OR7D4: variants seen among roughly 807,000 people sequenced by gnomAD.
OR7D4 encodes olfactory receptor 7D4.
For missense variants in OR7D4, 319 were observed against 377.1 expected, an observed-to-expected ratio of 0.85 and a Z score of 1.27; for synonymous variants, 154 against 158.4, an observed-to-expected ratio of 0.97 and a Z score of 0.21.
At position 9,211,898 on chromosome 19, in the gene OR7D4, A is replaced by G. The variant is rs2051175244; in HGVS notation, c.*2001T>C. The G allele has an allele frequency of 6.7e-6, 1 of 150,104 alleles. No homozygotes were observed. The highest frequency in any genetic ancestry group is 1.5e-5 in the Non-Finnish European group (1 of 68,022). The allele number at this position is 150,104 out of a possible 1,614,324, so 9.3% of individuals were successfully genotyped here. On this transcript the variant is annotated 3_prime_UTR_variant, in exon 2 of 2. Transcript: ENST00000641669. ...GACTCCCATTTCATTTTAAAATTAA[A>G]AAAAAATCTGATGTGGTTTGTCACT...
rs999370558 is a variant in OR7D4 at position 9,214,061 on chromosome 19, A to G, written c.777T>C (p.Tyr259=). 11 of 1,613,992 alleles carry G rather than the reference A, an allele frequency of 6.8e-6. No individual in the cohort carries two copies. The highest frequency in any genetic ancestry group is 8.5e-6 in the Non-Finnish European group (10 of 1,179,992). Residue 259 remains tyrosine (Y), a synonymous_variant, in exon 2 of 2, where the codon TAT becomes TAC. Transcript: ENST00000641669. ...SLFYGTGLGV[Y]LSSAVTHSSQ... ...AAGAATGGGTCACAGCAGAACTCAG[A>G]TAGACCCCAAGTCCTGTTCCATAGA...
At chr19:9,215,341 CAAAAAAAAAAAAAAA>C (rs56111510) in intron 1 of OR7D4, among the ~76,000 whole-genome samples, 1 of 83,132 alleles carries the variant, frequency 1.2e-5, no homozygotes. Context: ...GACTCCGTCT[CAAAAAAAAAAAAAAA>C]AAAAAAAAAC....
At position 9,214,794 on chromosome 19, in the gene OR7D4, A is replaced by G; in HGVS notation, c.44T>C (p.Leu15Pro). The change falls in exon 2 of 2, where the codon CTG becomes CCG. Residue 15 changes from leucine (L) to proline (P), a missense_variant. Physicochemically the swap from Leu to Pro is moderately conservative, Grantham distance 98. Coordinates refer to ENST00000641669, the MANE Select transcript of OR7D4 (RefSeq NM_001005191.3). ...CAGTTCAGGATCATCTGAGAGTCCC[A>G]GGAGGAGAAATTTTGATAATTCTGT... is the stretch of plus-strand genomic sequence containing the variant. ...NLTELSKFLL[L>P]GLSDDPELQP... is the part of the protein sequence containing the mutation. 1 of 1,612,042 alleles carries G rather than the reference A, an allele frequency of 6.2e-7. No individual in the cohort carries two copies. Among genetic ancestry groups the G allele is most frequent in the South Asian group, 1.1e-5 (1 of 90,860 alleles).
chr19:9,216,209 C>T (rs8100853), intron 1 of OR7D4, among the ~76,000 whole-genome samples: 5,334 of 152,282 alleles, frequency 0.035, 291 homozygotes, highest in African/African-American at 0.12. Flanking sequence ...ACCCCACAGT[C>T]ATCATGAACT....
intron 1 of OR7D4, among the ~76,000 whole-genome samples, chr19:9,218,817 A>G (rs978837912): frequency 2.6e-5 from 4 of 152,008 alleles, no homozygotes; most frequent in African/African-American, 9.7e-5. Flanking sequence ...ATTGTTTAGT[A>G]GAGACAGGGT....
At position 9,213,914 on chromosome 19, in the gene OR7D4, G is replaced by A. The variant is rs10419202; in HGVS notation, c.924C>T (p.Ala308=). The A allele has an allele frequency of 2.8e-3, 4,504 of 1,613,456 alleles. 102 individuals are homozygous for A. The African/African-American group carries it at 0.047, about 17-fold the overall frequency. The change falls in exon 2 of 2, where the codon GCC becomes GCT. Residue 308 remains alanine, a synonymous_variant. Transcript: ENST00000641669. ...KGALERLLSR[A]DSCP is the part of the protein sequence containing the mutation. ...CCCTGATTTGTCATGGACAAGAGTC[G>A]GCCCTGCTGAGGAGTCTTTCCAGGG...
intron 1 of OR7D4, among the ~76,000 whole-genome samples, chr19:9,218,931 G>A (rs542487499): frequency 6.6e-6 from 1 of 150,898 alleles, no homozygotes; most frequent in East Asian, 2.0e-4. Flanking sequence ...ACTACGTTCA[G>A]CCAAGGGATT....
intron 1 of OR7D4, among the ~76,000 whole-genome samples, chr19:9,217,040 A>G (rs1342866217): frequency 1.3e-5 from 2 of 152,228 alleles, no homozygotes; most frequent in African/African-American, 2.4e-5. Context: ...TGACCACCAC[A>G]CAGGACTCTC....
In OR7D4 at chr19:9,214,269, G is replaced by A. The variant is rs1346025316; in HGVS notation, c.569C>T (p.Ser190Phe). Residue 190 changes from serine (S) to phenylalanine (F), a missense_variant, in exon 2 of 2, where the codon TCT becomes TTT. Transcript: ENST00000641669. ...GACAATGTTATTGAGGAGGGTGTTA[G>A]AGCAGGCCACCTTGAGGACCTGAGC... ...EPAQVLKVAC[S>F]NTLLNNIVLY... 1 of 1,614,176 alleles carries A rather than the reference G, an allele frequency of 6.2e-7. No individual in the cohort carries two copies. The highest frequency in any genetic ancestry group is 1.1e-5 in the South Asian group (1 of 91,076).
rs754505052 is a variant in OR7D4, at chr19:9,214,755, A to G, written c.83T>C (p.Phe28Ser). 17 of 1,614,020 alleles carry G rather than the reference A, an allele frequency of 1.1e-5. No homozygotes were observed. The highest frequency in any genetic ancestry group is 2.2e-5 in the South Asian group (2 of 91,082). The change falls in exon 2 of 2, where the codon TTT (phenylalanine) becomes TCT (serine). Residue 28 changes from phenylalanine (F) to serine (S), a missense_variant. By Grantham distance (155) the Phe-to-Ser change is radical (BLOSUM62 -2). Transcript: ENST00000641669. ...SDDPELQPVL[F>S]GLFLSMYLVT... ...CAGGTACATGGACAGGAACAGCCCA[A>G]AGAGGACGGGCTGCAGTTCAGGATC...
chr19:9,215,258 G>T (rs141706276), intron 1 of OR7D4, among the ~76,000 whole-genome samples: 7 of 147,626 alleles, frequency 4.7e-5, no homozygotes, highest in African/African-American at 9.9e-5. Context: ...CAGGAGAATC[G>T]CTTGAACCCA....
At position 9,210,580 on chromosome 19, in the gene OR7D4, C is replaced by T. The variant is rs1032766254; in HGVS notation, c.*3319G>A. 1 of 152,096 alleles carries T rather than the reference C, an allele frequency of 6.6e-6. No homozygotes were observed. Among genetic ancestry groups the T allele is most frequent in the Non-Finnish European group, 1.5e-5 (1 of 68,048 alleles). 9.4% of individuals were successfully genotyped at this position (152,096 alleles called of 1,614,324 possible). On this transcript the variant is annotated 3_prime_UTR_variant, in exon 2 of 2. Transcript: ENST00000641669. ...GGCAACAGAGCAAGACATCTCAAAA[C>T]AAAACAAAACAAAAACTCCATAACT...
In OR7D4 at chr19:9,212,910, G is replaced by A. The variant is rs1223266925; in HGVS notation, c.*989C>T. The A allele has an allele frequency of 1.3e-5, 2 of 152,118 alleles. No homozygotes were observed. Among genetic ancestry groups the A allele is most frequent in the Non-Finnish European group, 2.9e-5 (2 of 68,040 alleles). 9.4% of individuals were successfully genotyped at this position (152,118 alleles called of 1,614,324 possible). On this transcript the variant is annotated 3_prime_UTR_variant, in exon 2 of 2. Transcript: ENST00000641669. ...TGGGAAGACAGGTGTGAGCCACTGTGCCCCGAAAATTTTATATCACTGTTT... is the reference window on the plus strand; with the variant it reads ...TGGGAAGACAGGTGTGAGCCACTGTACCCCGAAAATTTTATATCACTGTTT...
At position 9,213,839 on chromosome 19, in the gene OR7D4, C is replaced by A. The variant is rs974832623; in HGVS notation, c.*60G>T. ...AGAGAAAAAGAGCCGGATATTTAAACCCACAACATTTGCCTTAGGGGTACG... is the reference window on the plus strand; with the variant it reads ...AGAGAAAAAGAGCCGGATATTTAAAACCACAACATTTGCCTTAGGGGTACG... On this transcript the variant is annotated 3_prime_UTR_variant, in exon 2 of 2. Coordinates refer to ENST00000641669, the MANE Select transcript of OR7D4 (RefSeq NM_001005191.3). 8.3e-7 allele frequency: 1 copy of A among 1,205,156 alleles called. No individual in the cohort carries two copies. Among genetic ancestry groups the A allele is most frequent in the Non-Finnish European group, 1.2e-6 (1 of 839,102 alleles). 74.7% of individuals were successfully genotyped at this position (1,205,156 alleles called of 1,614,324 possible).
chr19:9,214,230 G>T lies in OR7D4; in HGVS notation c.608C>A (p.Thr203Lys). 3 of 1,614,128 alleles carry T rather than the reference G, an allele frequency of 1.9e-6. No individual in the cohort carries two copies. The highest frequency in any genetic ancestry group is 2.5e-6 in the Non-Finnish European group (3 of 1,180,012). ...TACAGGAAACACACCCAGCAGTGCC[G>T]TGGCCACATACAAGACAATGTTATT... Reference protein sequence around the residue: ...LLNNIVLYVATALLGVFPVAG... With the variant: ...LLNNIVLYVAKALLGVFPVAG... The change falls in exon 2 of 2, where the codon ACG (threonine) becomes AAG (lysine). Residue 203 changes from threonine to lysine, a missense_variant. Transcript: ENST00000641669.
At position 9,214,319 on chromosome 19, in the gene OR7D4, C is replaced by A. The variant is rs201732443; in HGVS notation, c.519G>T (p.Glu173Asp). ...CCGGTTCACAGAAGAAATGCGGAAT[C>A]TCAGTGCCTGTGGAGAAGGTCAACC... Reference protein sequence around the residue: ...MKRLTFSTGTEIPHFFCEPAQ... With the variant: ...MKRLTFSTGTDIPHFFCEPAQ... Residue 173 changes from glutamate to aspartate, a missense_variant, in exon 2 of 2, where the codon GAG becomes GAT. Physicochemically the swap from Glu to Asp is conservative, Grantham distance 45 (BLOSUM62 2). Coordinates refer to ENST00000641669, the MANE Select transcript of OR7D4 (RefSeq NM_001005191.3). 6.2e-7 allele frequency: 1 copy of A among 1,614,116 alleles called. No homozygotes were observed. The highest frequency in any genetic ancestry group is 8.5e-7 in the Non-Finnish European group (1 of 1,180,024).
chr19:9,214,737 A>T lies in OR7D4; in HGVS notation c.101T>A (p.Met34Lys), dbSNP rs750868464. Residue 34 changes from methionine to lysine, a missense_variant, in exon 2 of 2, where the codon ATG (methionine) becomes AAG (lysine). Physicochemically the swap from Met to Lys is moderately conservative, Grantham distance 95. Transcript: ENST00000641669. Reference sequence around the variant, plus strand: ...GTTCCCCAGCACCGTGACCAGGTACATGGACAGGAACAGCCCAAAGAGGAC... The same window carrying T: ...GTTCCCCAGCACCGTGACCAGGTACTTGGACAGGAACAGCCCAAAGAGGAC... Reference protein sequence around the residue: ...QPVLFGLFLSMYLVTVLGNLL... With the variant: ...QPVLFGLFLSKYLVTVLGNLL... The T allele has an allele frequency of 8.7e-6, 14 of 1,613,968 alleles. No homozygotes were observed. Among genetic ancestry groups the T allele is most frequent in the African/African-American group, 2.7e-5 (2 of 74,920 alleles).
At chr19:9,219,020 C>G (rs2051237542) in intron 1 of OR7D4, among the ~76,000 whole-genome samples, 180 bp downstream of exon 1, 1 of 152,062 alleles carries the variant, frequency 6.6e-6, no homozygotes, top group Non-Finnish European at 1.5e-5. Context: ...ATCATGGATA[C>G]TAAGTTGAAA....
chr19:9,211,917 T>G lies in OR7D4; in HGVS notation c.*1982A>C, dbSNP rs2146001882. 1 of 152,296 alleles carries G rather than the reference T, an allele frequency of 6.6e-6. No homozygotes were observed. The allele number at this position is 152,296 out of a possible 1,614,324, so 9.4% of individuals were successfully genotyped here. A position where few individuals can be genotyped will look rare whatever the true frequency, so the allele number is the denominator to read the frequency against. ...AATTAAAAAAAAATCTGATGTGGTT[T>G]GTCACTGTCTCTGAAACTTGGTGGT... On this transcript the variant is annotated 3_prime_UTR_variant, in exon 2 of 2. Transcript: ENST00000641669.
Sources: allele counts gnomAD v4.1 joint callset (sites outside exome capture counted in the v4.1 genomes callset), GRCh38; gene constraint gnomAD v4.1.1; transcripts MANE v1.5; gene names NCBI Gene and HGNC (gene_info 2026-07-23, HGNC 2026-07-21).